Variants in DAGLB observed in about 807,000 individuals in gnomAD.
The protein encoded by DAGLB is diacylglycerol lipase-beta.
Under a neutral mutation model 72.1 loss-of-function variants are expected in DAGLB, and 66 were observed. The observed-to-expected ratio is 0.92, with a 90% CI of 0.75 to 1.12. The LOEUF (loss-of-function observed/expected upper bound fraction) is 1.12. Among genes scored for constraint, DAGLB ranks in the 50% most tolerant of loss-of-function variants. The pLI, the probability that DAGLB is intolerant of heterozygous loss-of-function variation, is 0.00. For synonymous variants in DAGLB, 414 were observed against 359.5 expected (o/e 1.15, Z -1.71); for missense variants, 1,065 against 884.9 (o/e 1.20, Z -2.58).
intron 6 of DAGLB, among the ~76,000 whole-genome samples, chr7:6,429,208 CT>C (rs757153268): frequency 3.3e-5 from 5 of 150,220 alleles, no homozygotes; most frequent in African/African-American, 5.0e-5. Flanking sequence ...CATGTATCCC[CT>C]GATATGATAC....
chr7:6,441,253 G>A (rs1482614630), intron 2 of DAGLB, among the ~76,000 whole-genome samples: 1 of 121,872 alleles, frequency 8.2e-6, no homozygotes, highest in Non-Finnish European at 2.1e-5. Flanking sequence ...ACCACGCCTG[G>A]CTAATTTTTT....
intron 9 of DAGLB, chr7:6,417,211 A>C: frequency 3.2e-6 from 1 of 313,674 alleles, no homozygotes; most frequent in East Asian, 7.6e-5. Flanking sequence ...CCTGGGCGAC[A>C]TAGTCTCTAC....
At chr7:6,425,540 G>A (rs546682696) in intron 7 of DAGLB, among the ~76,000 whole-genome samples, 70 of 152,086 alleles carry the variant, frequency 4.6e-4, no homozygotes, top group Non-Finnish European at 8.1e-4. Flanking sequence ...AAAGTGCTGG[G>A]ATTACAGGCG....
At position 6,446,012 on chromosome 7, in the gene DAGLB, A is replaced by G. The variant is rs1335559706; in HGVS notation, c.188T>C (p.Met63Thr). 3.8e-5 allele frequency: 62 copies of G among 1,613,794 alleles called. No homozygotes were observed. Among genetic ancestry groups the G allele is most frequent in the Non-Finnish European group, 5.1e-5 (60 of 1,179,938 alleles). ...ALLSSYLIVL[M>T]ILLAVVICTV... ...ACATATGACAACTGCCAGGAGAATCATGAGGACGATCAAGTAACTGCTGAG... is the reference window on the plus strand; with the variant it reads ...ACATATGACAACTGCCAGGAGAATCGTGAGGACGATCAAGTAACTGCTGAG... The change falls in exon 2 of 15, where the codon ATG (methionine) becomes ACG (threonine). Residue 63 changes from methionine to threonine, a missense_variant. Met to Thr is a moderately conservative substitution (Grantham distance 81, BLOSUM62 -1). Transcript: ENST00000297056.
At chr7:6,415,775 A>T (rs372270766) in intron 11 of DAGLB, among the ~76,000 whole-genome samples, 1 of 150,872 alleles carries the variant, frequency 6.6e-6, no homozygotes, top group Non-Finnish European at 1.5e-5. Flanking sequence ...AAGCTGGGAG[A>T]CGGAGGTTGC....
intron 2 of DAGLB, among the ~76,000 whole-genome samples, chr7:6,441,241 C>T (rs1373140449): frequency 6.8e-6 from 1 of 146,056 alleles, no homozygotes; most frequent in Admixed American, 6.9e-5. Flanking sequence ...CAGGCAGCTG[C>T]CACCACGCCT....
At chr7:6,446,184 G>A in intron 1 of DAGLB, 80 bp from the exon 2 acceptor site, 5 of 1,460,708 alleles carry the variant, frequency 3.4e-6, no homozygotes, top group Non-Finnish European at 4.5e-6. Flanking sequence ...AGAAATAAAA[G>A]GGGACAGGGC....
rs1380092742 is a variant in DAGLB, at chr7:6,422,270, G to A, written c.1141-466C>T. ...CCAGGCGCAGGGGCAGCTCCCTGGA[G>A]GAGGTGACGCCACAGCCAGACCCGA... On this transcript the variant is annotated intron_variant, in intron 8 of 14. Coordinates refer to ENST00000297056, the MANE Select transcript of DAGLB (RefSeq NM_139179.4). 2.0e-5 allele frequency: 6 copies of A among 299,216 alleles called. No homozygotes were observed. In the East Asian group the frequency reaches 5.3e-4, roughly 26 times the overall value. The allele number at this position is 299,216 out of a possible 1,614,324, so 18.5% of individuals were successfully genotyped here. A position where few individuals can be genotyped will look rare whatever the true frequency, so the allele number is the denominator to read the frequency against.
chr7:6,444,116 T>C (rs569005917), intron 2 of DAGLB, among the ~76,000 whole-genome samples: 1 of 151,530 alleles, frequency 6.6e-6, no homozygotes, highest in African/African-American at 2.4e-5. Flanking sequence ...AAAATAAAAA[T>C]AAAAAAAATT....
At chr7:6,430,787 T>TC (rs1784462855) in intron 5 of DAGLB, among the ~76,000 whole-genome samples, 180 bp from the exon 6 acceptor site, 1 of 151,472 alleles carries the variant, frequency 6.6e-6, no homozygotes, top group East Asian at 1.9e-4. Flanking sequence ...ACTCCTCATT[T>TC]TTTTTTTTTT....
In DAGLB at chr7:6,416,672, G is replaced by A. The variant is rs754358442; in HGVS notation, c.1382C>T (p.Pro461Leu). The A allele has an allele frequency of 3.1e-6, 5 of 1,613,680 alleles. No individual in the cohort carries two copies. Among genetic ancestry groups the A allele is most frequent in the East Asian group, 4.5e-5 (2 of 44,868 alleles). ...GGAGAAGGCGTAGCACCTGACCTGC[G>A]GGTAGGCGGCTCTGAGCATGGTGGC... ...LLATMLRAAY[P>L]QVRCYAFSPP... Residue 461 changes from proline to leucine, a missense_variant, in exon 11 of 15, where the codon CCG becomes CTG. By Grantham distance (98) the Pro-to-Leu change is moderately conservative (BLOSUM62 -3). Coordinates refer to ENST00000297056, the MANE Select transcript of DAGLB (RefSeq NM_139179.4).
intron 6 of DAGLB, among the ~76,000 whole-genome samples, chr7:6,429,280 A>T (rs994336706): frequency 6.6e-6 from 1 of 152,090 alleles, no homozygotes; most frequent in Non-Finnish European, 1.5e-5. Context: ...AAATCTAATC[A>T]TGGGGAAACC....
At chr7:6,435,047 C>A in intron 3 of DAGLB, 27 bp from the exon 4 acceptor site, 1 of 1,609,204 alleles carries the variant, frequency 6.2e-7, no homozygotes, top group Non-Finnish European at 8.5e-7. Context: ...GGAAAAGGCT[C>A]GGTGACTGCG....
At chr7:6,412,464 CTT>C (rs879547981) in intron 13 of DAGLB, 330 of 192,824 alleles carry the variant, frequency 1.7e-3, no homozygotes, top group Middle Eastern at 6.5e-3. Flanking sequence ...ATTTTCTTTT[CTT>C]TTTTTTTTTT....
chr7:6,440,006 C>T (rs1204485933), intron 2 of DAGLB, among the ~76,000 whole-genome samples: 2 of 146,992 alleles, frequency 1.4e-5, no homozygotes, highest in African/African-American at 5.0e-5. Flanking sequence ...GAGCTAAGAT[C>T]ACGCCACTGC....
chr7:6,435,294 T>C (rs967306596), intron 3 of DAGLB: 3 of 378,228 alleles, frequency 7.9e-6, no homozygotes, highest in African/African-American at 6.1e-5. Flanking sequence ...GAGACCAGCC[T>C]GGCCAACATA....
intron 2 of DAGLB, among the ~76,000 whole-genome samples, chr7:6,438,257 C>T (rs836543): frequency 0.31 from 47,195 of 151,814 alleles, 11,193 homozygotes; most frequent in African/African-American, 0.66. Flanking sequence ...ATGTAAATGA[C>T]GAGTAACGGG....
chr7:6,447,243 C>T lies in DAGLB; in HGVS notation c.95+505G>A, dbSNP rs559914621. On this transcript the variant is annotated intron_variant, in intron 1 of 14. Transcript: ENST00000297056. ...CCCACTGATTCCACACTTTGAAAGA[C>T]AACAGCGTTGTATGTTGAGCCTGTC... Among the ~76,000 whole-genome samples, 6 of 152,332 alleles carry T rather than the reference C, an allele frequency of 3.9e-5. No individual in the cohort carries two copies. The South Asian group carries it at 1.2e-3, about 32-fold the overall frequency.
At position 6,430,539 on chromosome 7, in the gene DAGLB, C is replaced by A. The variant is rs894191157; in HGVS notation, c.870G>T (p.Gly290=). The part of the protein sequence containing the change: ...HYMQFAAAAY[G]WPLYIYRNPL... Reference sequence around the variant, plus strand: ...GGTTTCTGTAGATGTAGAGGGGCCACCCATAGGCCGCTGCTGCAAACTGCA... The same window carrying A: ...GGTTTCTGTAGATGTAGAGGGGCCAACCATAGGCCGCTGCTGCAAACTGCA... The change falls in exon 6 of 15, where the codon GGG becomes GGT. Residue 290 remains glycine, a synonymous_variant. Transcript: ENST00000297056. The A allele has an allele frequency of 4.4e-6, 7 of 1,602,390 alleles. No individual in the cohort carries two copies. Among genetic ancestry groups the A allele is most frequent in the Non-Finnish European group, 6.0e-6 (7 of 1,172,258 alleles).
Sources: gnomAD v4.1 joint callset for allele counts (sites outside exome capture counted in the v4.1 genomes callset) on GRCh38, gnomAD v4.1.1 for gene constraint, MANE v1.5 for transcripts, NCBI Gene and HGNC (gene_info 2026-07-23, HGNC 2026-07-21) for gene names.